The following RARA variants were observed in gnomAD, a reference collection of about 807,000 sequenced individuals.
The protein encoded by RARA is retinoic acid receptor alpha, also known as PML-DDX5-RARA fusion.
In RARA, 5 loss-of-function variants were observed where a neutral mutation model predicts 42.8. That is an observed-to-expected ratio of 0.12 (90% CI 0.06 to 0.25). RARA has a LOEUF of 0.25. Among genes scored for constraint, RARA ranks in the 10% least tolerant of loss-of-function variants. The pLI, the probability that RARA is intolerant of heterozygous loss-of-function variation, is 1.00. For missense variants in RARA, 402 were observed against 628.7 expected (o/e 0.64, Z 3.86); for synonymous variants, 256 against 259.5 (o/e 0.99, Z 0.13).
At chr17:40,310,402 G>A (rs2033073665) in intron 1 of RARA, among the ~76,000 whole-genome samples, 1 of 151,788 alleles carries the variant, frequency 6.6e-6, no homozygotes, top group Non-Finnish European at 1.5e-5. Context: ...ACTGGGGAGG[G>A]GGGTGATAGA....
chr17:40,342,019 C>T (rs2034071152), intron 2 of RARA: 1 of 1,083,726 alleles, frequency 9.2e-7, no homozygotes, highest in Non-Finnish European at 1.1e-6. Context: ...GCCTCTCCCT[C>T]TCGGTTCCCT....
rs2034036871 is a variant in RARA at position 40,341,505 on chromosome 17, C to T, written c.179-6811C>T. The T allele has an allele frequency of 8.1e-6, 12 of 1,487,022 alleles. No individual in the cohort carries two copies. The East Asian group carries it at 1.2e-4, about 15-fold the overall frequency. The allele number at this position is 1,487,022 out of a possible 1,614,324, so 92.1% of individuals were successfully genotyped here. A position where few individuals can be genotyped will look rare whatever the true frequency, so the allele number is the denominator to read the frequency against. Reference sequence around the variant, plus strand: ...CCCCGCGCGACCCGGCCCTACGCCTCCTGCCGCCGCTCTCCGCGTCTCCGG... The same window carrying T: ...CCCCGCGCGACCCGGCCCTACGCCTTCTGCCGCCGCTCTCCGCGTCTCCGG... On this transcript the variant is annotated intron_variant, in intron 2 of 8. Coordinates refer to ENST00000254066, the MANE Select transcript of RARA (RefSeq NM_000964.4).
intron 2 of RARA, chr17:40,341,601 A>C: frequency 8.1e-6 from 11 of 1,360,302 alleles, no homozygotes; most frequent in Non-Finnish European, 1.0e-5. Flanking sequence ...CGAGCGGGTG[A>C]TGTCACGGGC....
At chr17:40,318,652 C>T (rs1567745122) in intron 1 of RARA, among the ~76,000 whole-genome samples, 1 of 152,248 alleles carries the variant, frequency 6.6e-6, no homozygotes, top group Non-Finnish European at 1.5e-5. Flanking sequence ...TGCGCCGTGT[C>T]TTCGCGCGCA....
chr17:40,337,263 C>G (rs2033881280), intron 2 of RARA, among the ~76,000 whole-genome samples: 1 of 152,198 alleles, frequency 6.6e-6, no homozygotes, highest in African/African-American at 2.4e-5. Context: ...GGGGCACACT[C>G]TTGGGTGTGG....
rs1444033286 is a variant in RARA at position 40,354,230 on chromosome 17, C to T, written c.808-72C>T. On this transcript the variant is annotated intron_variant, in intron 6 of 8. Coordinates refer to ENST00000254066, the MANE Select transcript of RARA (RefSeq NM_000964.4). The surrounding 1 kb of genome is among the most constrained non-coding windows in gnomAD (Gnocchi z 4.5). The stretch of plus-strand genomic sequence containing the variant: ...AGGTGGTCCTCCGGGAGTGCTGGTG[C>T]GGAGTGCTGGTGCCGAGTGCTCAGA... The T allele has an allele frequency of 1.1e-5, 16 of 1,434,446 alleles. No homozygotes were observed. Among genetic ancestry groups the T allele is most frequent in the Admixed American group, 3.7e-5 (2 of 54,722 alleles). 88.9% of individuals were successfully genotyped at this position (1,434,446 alleles called of 1,614,324 possible).
rs781428265 is a variant in RARA, at chr17:40,331,373, G to A, written c.155G>A (p.Gly52Glu). 1.2e-5 allele frequency: 20 copies of A among 1,613,810 alleles called. No individual in the cohort carries two copies. The highest frequency in any genetic ancestry group is 8.5e-7 in the Non-Finnish European group (1 of 1,179,852). ...CTCCAGCACCAGCTTCCAGTTAGTG[G>A]ATATAGCACACCATCCCCAGCCAGT... ...TTLQHQLPVSGYSTPSPATIE... is the reference protein window; with the variant it reads ...TTLQHQLPVSEYSTPSPATIE... Residue 52 changes from glycine to glutamate, a missense_variant, in exon 2 of 9, where the codon GGA becomes GAA. Coordinates refer to ENST00000254066, the MANE Select transcript of RARA (RefSeq NM_000964.4).
intron 2 of RARA, among the ~76,000 whole-genome samples, chr17:40,338,730 G>T (rs914795463): frequency 6.9e-6 from 1 of 144,026 alleles, no homozygotes; most frequent in Non-Finnish European, 1.5e-5. Context: ...AAAAAAAAGC[G>T]TGGGCACGGT....
At chr17:40,317,053 T>C (rs527500523) in intron 1 of RARA, among the ~76,000 whole-genome samples, 1 of 152,386 alleles carries the variant, frequency 6.6e-6, no homozygotes, top group African/African-American at 2.4e-5. Flanking sequence ...GACCCGGCTC[T>C]GCAACCGGTG....
rs2033551798 is a variant in RARA at position 40,326,600 on chromosome 17, C to G, written c.-362-4257C>G. The G allele has an allele frequency of 6.6e-6, 1 of 152,314 alleles. No homozygotes were observed. The highest frequency in any genetic ancestry group is 1.5e-5 in the Non-Finnish European group (1 of 68,116). 9.4% of individuals were successfully genotyped at this position (152,314 alleles called of 1,614,324 possible). On this transcript the variant is annotated intron_variant, in intron 1 of 8. Coordinates refer to ENST00000254066, the MANE Select transcript of RARA (RefSeq NM_000964.4). This position sits in a 1 kb window ranked among gnomAD's most constrained non-coding sequence, Gnocchi z 5.2. ...GAGTGTGGGGCTGGTTGCAGGTGCT[C>G]TAGCCCCCTACCCCTTTTTCTGCTG...
At chr17:40,331,736 A>T (rs370855567) in intron 2 of RARA, among the ~76,000 whole-genome samples, 18 of 152,138 alleles carry the variant, frequency 1.2e-4, no homozygotes, top group African/African-American at 4.1e-4. Context: ...AGGTGGGTAA[A>T]CAAACCTCTT....
Position 40,335,925 on chromosome 17 carries a change from C to G in RARA, c.178+4529C>G, listed in dbSNP as rs565636802. 3.3e-5 allele frequency among the ~76,000 whole-genome samples: 5 copies of G among 152,156 alleles called. No homozygotes were observed. In the South Asian group the frequency reaches 1.0e-3, roughly 32 times the overall value. On this transcript the variant is annotated intron_variant, in intron 2 of 8. Transcript: ENST00000254066. ...GGCTGAGGTGGGAGGATTGCATGAG[C>G]CTGAGAGGTTGAGGCTGCAGTGAGC... is the stretch of plus-strand genomic sequence containing the variant.
At chr17:40,337,597 T>G (rs1371273835) in intron 2 of RARA, among the ~76,000 whole-genome samples, 1 of 151,890 alleles carries the variant, frequency 6.6e-6, no homozygotes, top group Non-Finnish European at 1.5e-5. Flanking sequence ...AGGAACAGAA[T>G]GTAAAAGCCA....
intron 1 of RARA, among the ~76,000 whole-genome samples, chr17:40,327,598 T>C (rs1366645137): frequency 1.3e-5 from 2 of 152,220 alleles, no homozygotes; most frequent in Non-Finnish European, 2.9e-5. Context: ...ATGCAGTTTC[T>C]GAGCTGTGTT....
At chr17:40,312,361 T>G (rs936426135) in intron 1 of RARA, among the ~76,000 whole-genome samples, 17 of 152,356 alleles carry the variant, frequency 1.1e-4, no homozygotes, top group Admixed American at 1.0e-3. Flanking sequence ...AAGTTGGCGC[T>G]AGCCCCAGGC....
rs548661374 is a variant in RARA at position 40,342,477 on chromosome 17, C to G, written c.179-5839C>G. 4.5e-4 allele frequency: 562 copies of G among 1,248,344 alleles called. 6 individuals carry two copies. The South Asian group carries it at 0.01, about 23-fold the overall frequency. 77.3% of individuals were successfully genotyped at this position (1,248,344 alleles called of 1,614,324 possible). A position where few individuals can be genotyped will look rare whatever the true frequency, so the allele number is the denominator to read the frequency against. ...TCCCTGGGAGAGCCGACGGACCCCC[C>G]CTCCCAGCACACACAACTTCCCTGC... On this transcript the variant is annotated intron_variant, in intron 2 of 8. Transcript: ENST00000254066.
chr17:40,319,980 C>T (rs1391265446), intron 1 of RARA, among the ~76,000 whole-genome samples: 1 of 152,140 alleles, frequency 6.6e-6, no homozygotes, highest in Non-Finnish European at 1.5e-5. Flanking sequence ...GGAGCTGGGA[C>T]ATCAGTACTG....
chr17:40,313,540 C>A (rs191698808), intron 1 of RARA, among the ~76,000 whole-genome samples: 3 of 152,240 alleles, frequency 2.0e-5, no homozygotes. Context: ...TGAATGGCAC[C>A]CCCTGGGGTT....
chr17:40,346,762 C>CG (rs2034280755), intron 2 of RARA, among the ~76,000 whole-genome samples: 1 of 150,928 alleles, frequency 6.6e-6, no homozygotes, highest in African/African-American at 2.4e-5. Flanking sequence ...GAGCAGACGG[C>CG]GGTGGGGAGG....
Sources: allele counts gnomAD v4.1 joint callset (sites outside exome capture counted in the v4.1 genomes callset), GRCh38; gene constraint gnomAD v4.1.1; non-coding constraint Gnocchi (gnomAD v3.1); transcripts MANE v1.5; gene names NCBI Gene and HGNC (gene_info 2026-07-23, HGNC 2026-07-21).